The following ARMC2 variants were observed in gnomAD, a reference collection of about 807,000 sequenced individuals.
ARMC2 encodes armadillo repeat-containing protein 2.
ARMC2 carries 67 observed loss-of-function variants against 90.3 expected under a neutral mutation model. The ratio of observed to expected loss-of-function variants is 0.74; its 90% CI spans 0.61 to 0.91. The LOEUF (loss-of-function observed/expected upper bound fraction) is 0.91. Ranked by LOEUF, ARMC2 falls within the 40% of genes least tolerant of loss-of-function variation. The pLI is 0.00. For synonymous variants in ARMC2, 393 were observed against 393.0 expected (o/e 1.00, Z 0.00); for missense variants, 920 against 1,030.9 (o/e 0.89, Z 1.47).
At chr6:108,939,768 C>T (rs180714286) in intron 12 of ARMC2, among the ~76,000 whole-genome samples, 26 of 152,300 alleles carry the variant, frequency 1.7e-4, no homozygotes, top group Non-Finnish European at 2.9e-4. Flanking sequence ...CAGTAACATG[C>T]TTATTCAGAA....
intron 12 of ARMC2, among the ~76,000 whole-genome samples, chr6:108,952,798 T>C (rs554325281): frequency 6.6e-6 from 1 of 152,330 alleles, no homozygotes; most frequent in Non-Finnish European, 1.5e-5. Flanking sequence ...CTGAAGGTAA[T>C]AGACGTTGCT....
intron 3 of ARMC2, among the ~76,000 whole-genome samples, chr6:108,858,908 A>T (rs1392869157): frequency 6.6e-6 from 1 of 152,184 alleles, no homozygotes; most frequent in Admixed American, 6.5e-5. Context: ...TCTAAGGAAG[A>T]TGAAGATTTA....
At chr6:109,000,994 C>G in the ARMC2 span, among the ~76,000 whole-genome samples, 1 of 152,092 alleles carries the variant, frequency 6.6e-6, no homozygotes, top group Non-Finnish European at 1.5e-5. Flanking sequence ...TTATTTACAT[C>G]TTGAACAGGA....
rs1417050848 is a variant in ARMC2 at position 108,961,687 on chromosome 6, T to C, written c.2031T>C (p.Ile677=). 1 of 1,600,092 alleles carries C rather than the reference T, an allele frequency of 6.2e-7. No individual in the cohort carries two copies. The highest frequency in any genetic ancestry group is 1.3e-5 in the African/African-American group (1 of 74,524). The part of the protein sequence containing the change: ...NSIIQDKKLY[I]AELLLKLLVS... The stretch of plus-strand genomic sequence containing the variant: ...TAATTCAAGACAAAAAGCTATATAT[T>C]GCTGAATGTAAGGTTCAGAGTTGGA... Residue 677 remains isoleucine, a synonymous_variant, in exon 14 of 18, where the codon ATT becomes ATC. Coordinates refer to ENST00000392644, the MANE Select transcript of ARMC2 (RefSeq NM_032131.6).
chr6:108,876,043 T>C, intron 4 of ARMC2, 100 bp from the exon 5 acceptor site: 1 of 1,104,788 alleles, frequency 9.1e-7, no homozygotes, highest in Non-Finnish European at 1.3e-6. Context: ...ATGTATAACT[T>C]TTAAATCATA....
rs149484316 is a variant in ARMC2 at position 108,940,330 on chromosome 6, A to G, written c.1596+3331A>G. On this transcript the variant is annotated intron_variant, in intron 12 of 17. Transcript: ENST00000392644. ...TGCGGAGGTTTAATAGGCAAAAGAG[A>G]GAGGAGAACAGCTCTCTCTCCTGCG... Among the ~76,000 whole-genome samples the G allele has an allele frequency of 1.3e-3, 204 of 152,280 alleles. 5 individuals are homozygous for G. The East Asian group carries it at 0.036, about 27-fold the overall frequency.
Position 108,904,816 on chromosome 6 carries a change from TAATA to T in ARMC2, c.1023+417_1023+420del, listed in dbSNP as rs563833895. Among the ~76,000 whole-genome samples the T allele has an allele frequency of 3.3e-5, 5 of 152,308 alleles. No homozygotes were observed. The South Asian group carries it at 6.2e-4, about 19-fold the overall frequency. ...GGATGCTTGATTCTGTCATATGATTTAATAAATAACTAAGTAATTTAGGCCACAG... is the reference window on the plus strand; with the variant it reads ...GGATGCTTGATTCTGTCATATGATTTAATAACTAAGTAATTTAGGCCACAG... On this transcript the variant is annotated intron_variant, in intron 8 of 17. Coordinates refer to ENST00000392644, the MANE Select transcript of ARMC2 (RefSeq NM_032131.6).
intron 13 of ARMC2, 53 bp from the exon 14 acceptor site, chr6:108,961,519 T>G (rs1562432814): frequency 6.6e-7 from 1 of 1,521,156 alleles, no homozygotes; most frequent in South Asian, 1.3e-5. Context: ...GCAACGTAGT[T>G]GGTTCTACTC....
At chr6:109,009,304 C>T in the ARMC2 span, 2 of 1,416,718 alleles carry the variant, frequency 1.4e-6, no homozygotes, top group Middle Eastern at 2.0e-4. Context: ...GCAGCTCGGC[C>T]GGGTGCCCAC....
the ARMC2 span, among the ~76,000 whole-genome samples, chr6:109,006,008 G>GT: frequency 1.3e-5 from 2 of 152,264 alleles, no homozygotes; most frequent in East Asian, 3.9e-4. Context: ...TTGCCTTTCA[G>GT]TTTTCGGCTT....
At chr6:108,992,371 C>T in the ARMC2 span, among the ~76,000 whole-genome samples, 1 of 152,138 alleles carries the variant, frequency 6.6e-6, no homozygotes, top group Non-Finnish European at 1.5e-5. Flanking sequence ...CCTGCCTCAG[C>T]CTCCCAAGGT....
chr6:109,027,134 C>T, the ARMC2 span, among the ~76,000 whole-genome samples: 2 of 152,038 alleles, frequency 1.3e-5, no homozygotes, highest in Non-Finnish European at 2.9e-5. Flanking sequence ...TGCATCACTG[C>T]ATTCCAGCCT....
the ARMC2 span, chr6:109,000,279 C>G: frequency 2.6e-6 from 1 of 384,798 alleles, no homozygotes; most frequent in Non-Finnish European, 4.6e-6. Flanking sequence ...AGACTGAACC[C>G]TAATGTGAAC....
intron 5 of ARMC2, among the ~76,000 whole-genome samples, chr6:108,888,321 C>T (rs1370888256): frequency 6.6e-6 from 1 of 152,168 alleles, no homozygotes; most frequent in Non-Finnish European, 1.5e-5. Flanking sequence ...TCATTTAGTC[C>T]TCACAACAGT....
At chr6:109,030,546 G>A in the ARMC2 span, among the ~76,000 whole-genome samples, 3 of 152,254 alleles carry the variant, frequency 2.0e-5, no homozygotes, top group South Asian at 4.2e-4. Context: ...GTTTAAGGAT[G>A]GGGTGGGAAT....
Position 108,854,374 on chromosome 6 carries a change from C to T in ARMC2, c.107C>T (p.Ala36Val), listed in dbSNP as rs1451861103. Residue 36 changes from alanine to valine, a missense_variant, in exon 2 of 18, where the codon GCA (alanine) becomes GTA (valine). Transcript: ENST00000392644. ...GAAATCATAAGTGAAGCAAGAAATG[C>T]ATTAAGAACAGTTAGAACCCAAAGA... ...SAEIISEARNALRTVRTQRPF... is the reference protein window; with the variant it reads ...SAEIISEARNVLRTVRTQRPF... 1.2e-6 allele frequency: 2 copies of T among 1,612,938 alleles called. No individual in the cohort carries two copies. Among genetic ancestry groups the T allele is most frequent in the South Asian group, 2.2e-5 (2 of 91,034 alleles).
Position 108,937,040 on chromosome 6 carries a change from A to G in ARMC2, c.1596+41A>G, listed in dbSNP as rs1340825852. ...ATTTAATTCTTCAATGAGTCTTTAC[A>G]CTAATGTGTTTGTGTAAGCCCATGT... is the stretch of plus-strand genomic sequence containing the variant. On this transcript the variant is annotated intron_variant, in intron 12 of 17. Transcript: ENST00000392644. The G allele has an allele frequency of 2.0e-6, 3 of 1,467,736 alleles. No individual in the cohort carries two copies. In the African/African-American group the frequency reaches 4.2e-5, roughly 20 times the overall value. The allele number at this position is 1,467,736 out of a possible 1,614,324, so 90.9% of individuals were successfully genotyped here.
intron 5 of ARMC2, among the ~76,000 whole-genome samples, chr6:108,893,703 G>C (rs1475940993): frequency 6.6e-6 from 1 of 152,212 alleles, no homozygotes; most frequent in African/African-American, 2.4e-5. Flanking sequence ...ATCTTACCGG[G>C]AAATCAAAGG....
the ARMC2 span, among the ~76,000 whole-genome samples, chr6:109,041,603 G>T: frequency 6.6e-6 from 1 of 151,848 alleles, no homozygotes; most frequent in Non-Finnish European, 1.5e-5. Context: ...CAGAGACAAG[G>T]AGGGACATTA....
Sources: allele counts gnomAD v4.1 joint callset (sites outside exome capture counted in the v4.1 genomes callset), GRCh38; gene constraint gnomAD v4.1.1; transcripts MANE v1.5; gene names NCBI Gene and HGNC (gene_info 2026-07-23, HGNC 2026-07-21).